Variants in TRIM2 observed in about 807,000 individuals in gnomAD.
TRIM2 encodes the protein tripartite motif containing 2, also known as tripartite motif-containing protein 2.
TRIM2 carries 20 observed loss-of-function variants against 75.2 expected under a neutral mutation model. The ratio of observed to expected loss-of-function variants is 0.27; its 90% confidence interval spans 0.19 to 0.39. The LOEUF (loss-of-function observed/expected upper bound fraction) is 0.39, where lower values mean the gene tolerates loss of function less well. Among genes scored for constraint, TRIM2 ranks in the 10% least tolerant of loss-of-function variants. The pLI, the probability that TRIM2 is intolerant of heterozygous loss-of-function variation, is 1.00. For synonymous variants in TRIM2, 373 were observed against 388.3 expected (o/e 0.96, Z 0.46); for missense variants, 660 against 990.8 (o/e 0.67, Z 4.48).
At chr4:153,261,913 G>A (rs2149990410) in intron 1 of TRIM2, among the ~76,000 whole-genome samples, 1 of 152,304 alleles carries the variant, frequency 6.6e-6, no homozygotes, top group South Asian at 2.1e-4. Flanking sequence ...CAAATTGTAG[G>A]AGATTTGAGA....
intron 2 of TRIM2, 94 bp from the exon 3 acceptor site, chr4:153,275,799 A>G: frequency 8.3e-7 from 1 of 1,199,604 alleles, no homozygotes; most frequent in Non-Finnish European, 1.2e-6. Flanking sequence ...GTTTCTGCCA[A>G]ATACCTTGTG....
chr4:153,312,212 A>G (rs907358020), intron 6 of TRIM2, among the ~76,000 whole-genome samples: 81 of 151,796 alleles, frequency 5.3e-4, no homozygotes, highest in African/African-American at 1.8e-3. Flanking sequence ...ATGATTTCCA[A>G]TTTTATCCAT....
At chr4:153,173,431 A>T (rs182270420) in intron 1 of TRIM2, among the ~76,000 whole-genome samples, 1 of 151,892 alleles carries the variant, frequency 6.6e-6, no homozygotes, top group Admixed American at 6.6e-5. Flanking sequence ...TGGGAGGCCG[A>T]GGGGGGTGGA....
chr4:153,310,179 C>T (rs1765942034), intron 6 of TRIM2: 1 of 152,070 alleles, frequency 6.6e-6, no homozygotes, highest in African/African-American at 2.4e-5. Flanking sequence ...ATTATAATTA[C>T]TTTAAAAATT....
chr4:153,206,828 A>G (rs1210297259), intron 1 of TRIM2, among the ~76,000 whole-genome samples: 1 of 152,124 alleles, frequency 6.6e-6, no homozygotes, highest in Non-Finnish European at 1.5e-5. Context: ...CAATCATCTC[A>G]TTAGCATACA....
chr4:153,332,226 A>G (rs2149596634), intron 11 of TRIM2, among the ~76,000 whole-genome samples: 1 of 152,360 alleles, frequency 6.6e-6, no homozygotes, highest in East Asian at 1.9e-4. Context: ...AGAGGATAAA[A>G]AGATAGGCAA....
In TRIM2 at chr4:153,335,067, G is replaced by A. The variant is rs2149608526; in HGVS notation, c.*101G>A. 7.5e-7 allele frequency: 1 copy of A among 1,333,258 alleles called. No individual in the cohort carries two copies. Among genetic ancestry groups the A allele is most frequent in the Non-Finnish European group, 9.7e-7 (1 of 1,030,884 alleles). The allele number at this position is 1,333,258 out of a possible 1,614,324, so 82.6% of individuals were successfully genotyped here. A position where few individuals can be genotyped will look rare whatever the true frequency, so the allele number is the denominator to read the frequency against. ...TATGACTAGAGTTTTTATGCCAGAA[G>A]GAATCATTGGTGAACTTTCCAAGGT... On this transcript the variant is annotated 3_prime_UTR_variant, in exon 12 of 12. Coordinates refer to ENST00000338700, the MANE Select transcript of TRIM2 (RefSeq NM_015271.5).
chr4:153,292,893 T>C, intron 3 of TRIM2, 89 bp from the exon 4 acceptor site: 1 of 1,235,130 alleles, frequency 8.1e-7, no homozygotes, highest in South Asian at 2.5e-5. Flanking sequence ...TCTCATTTAA[T>C]TATGAGAGAC....
chr4:153,326,841 C>T (rs1248775751), intron 10 of TRIM2, among the ~76,000 whole-genome samples: 1 of 151,878 alleles, frequency 6.6e-6, no homozygotes, highest in Admixed American at 6.6e-5. Flanking sequence ...ATTAGCCGGG[C>T]GTGGTGGTGG....
intron 1 of TRIM2, among the ~76,000 whole-genome samples, chr4:153,179,486 C>T (rs1453022066): frequency 2.0e-5 from 3 of 152,092 alleles, no homozygotes; most frequent in Non-Finnish European, 4.4e-5. Context: ...CTGTTGCCAC[C>T]TACCTGCTTC....
intron 6 of TRIM2, chr4:153,308,733 C>A (rs1250581448): frequency 3.7e-6 from 2 of 545,510 alleles, no homozygotes; most frequent in Admixed American, 3.9e-5. Flanking sequence ...CCAAGCTGAG[C>A]TTGCACAGGA....
chr4:153,223,791 A>G (rs1316358855), intron 1 of TRIM2, among the ~76,000 whole-genome samples: 4 of 152,142 alleles, frequency 2.6e-5, no homozygotes, highest in Non-Finnish European at 4.4e-5. Flanking sequence ...GCTTTAATTT[A>G]TGGAACAGAG....
intron 3 of TRIM2, among the ~76,000 whole-genome samples, chr4:153,291,179 G>T (rs1446023588): frequency 6.6e-6 from 1 of 152,076 alleles, no homozygotes; most frequent in Non-Finnish European, 1.5e-5. Context: ...TCTGAATTTG[G>T]TTCACCAGAA....
intron 1 of TRIM2, chr4:153,156,691 C>T (rs74452769): frequency 6.6e-6 from 1 of 152,268 alleles, no homozygotes; most frequent in Admixed American, 6.5e-5. Context: ...TCCCAGTTCA[C>T]TCATCTCTTG....
intron 1 of TRIM2, among the ~76,000 whole-genome samples, chr4:153,164,186 T>C (rs1560778084): frequency 6.6e-6 from 1 of 152,206 alleles, no homozygotes; most frequent in Non-Finnish European, 1.5e-5. Flanking sequence ...TCACCCAAGC[T>C]GAAGTACAGT....
chr4:153,260,725 CAT>C (rs1753316632), intron 1 of TRIM2, among the ~76,000 whole-genome samples: 1 of 123,238 alleles, frequency 8.1e-6, no homozygotes, highest in African/African-American at 3.0e-5. Flanking sequence ...CACACACACA[CAT>C]CATCATCATC....
chr4:153,300,905 T>C (rs371594076), intron 6 of TRIM2, among the ~76,000 whole-genome samples: 4 of 151,900 alleles, frequency 2.6e-5, no homozygotes, highest in South Asian at 4.2e-4. Context: ...AAAATAGACA[T>C]GGGGGCCGGG....
At chr4:153,155,668 C>T (rs1486556829) in intron 1 of TRIM2, among the ~76,000 whole-genome samples, 9 of 152,046 alleles carry the variant, frequency 5.9e-5, no homozygotes, top group African/African-American at 2.2e-4. Flanking sequence ...TATCATCTGC[C>T]GTTCATGGCC....
intron 1 of TRIM2, among the ~76,000 whole-genome samples, chr4:153,242,318 CTT>C (rs56401547): frequency 0.049 from 7,206 of 147,794 alleles, 225 homozygotes; most frequent in East Asian, 0.12. Flanking sequence ...TGTCTTGTAT[CTT>C]TTTTTTTTTT....
Sources: allele counts gnomAD v4.1 joint callset (sites outside exome capture counted in the v4.1 genomes callset), GRCh38; gene constraint gnomAD v4.1.1; transcripts MANE v1.5; gene names NCBI Gene and HGNC (gene_info 2026-07-23, HGNC 2026-07-21).